The following KHDC1 variants were observed in gnomAD, a reference collection of about 807,000 sequenced individuals.
KHDC1 encodes KH homology domain-containing protein 1.
In KHDC1, 21 loss-of-function variants were observed where a neutral mutation model predicts 24.7. That is an observed-to-expected ratio of 0.85 (90% CI 0.60 to 1.23). KHDC1 has a LOEUF of 1.23. Among genes scored for constraint, KHDC1 ranks in the 50% most tolerant of loss-of-function variants. KHDC1 has a pLI of 0.00. For missense variants in KHDC1, 274 were observed against 298.5 expected (o/e 0.92, Z 0.61); for synonymous variants, 98 against 111.7 (o/e 0.88, Z 0.77).
At chr6:73,242,865 G>A (rs747800171) in intron 2 of KHDC1, among the ~76,000 whole-genome samples, 1 of 152,180 alleles carries the variant, frequency 6.6e-6, no homozygotes, top group Non-Finnish European at 1.5e-5. Context: ...GGATGGAGGT[G>A]CAAGAAGGCT....
At position 73,247,058 on chromosome 6, in the gene KHDC1, C is replaced by T. The variant is rs940973671; in HGVS notation, c.207-4528G>A. Among the ~76,000 whole-genome samples the T allele has an allele frequency of 9.9e-5, 15 of 151,582 alleles. No homozygotes were observed. In the South Asian group the frequency reaches 2.7e-3, roughly 27 times the overall value. On this transcript the variant is annotated intron_variant, in intron 2 of 4. Coordinates refer to ENST00000370384, the Ensembl canonical transcript of KHDC1. ...AATGGCATGATCTCGGCTCACTGTACCCTCTGCCTCCTGGGTTCAAGCAAT... is the reference window on the plus strand; with the variant it reads ...AATGGCATGATCTCGGCTCACTGTATCCTCTGCCTCCTGGGTTCAAGCAAT...
chr6:73,265,945 G>A (rs756329309), intron 2 of KHDC1, among the ~76,000 whole-genome samples: 2 of 151,982 alleles, frequency 1.3e-5, no homozygotes, highest in East Asian at 1.9e-4. Context: ...GGGGGGAGAC[G>A]AGGTCTGGCT....
chr6:73,243,982 T>G (rs772956866), intron 2 of KHDC1, among the ~76,000 whole-genome samples: 1 of 152,156 alleles, frequency 6.6e-6, no homozygotes, highest in Non-Finnish European at 1.5e-5. Context: ...ATTATTCCTA[T>G]TACTGGAATT....
At chr6:73,252,871 C>A (rs1417409961) in intron 2 of KHDC1, among the ~76,000 whole-genome samples, 1 of 151,568 alleles carries the variant, frequency 6.6e-6, no homozygotes, top group African/African-American at 2.4e-5. Context: ...GGGTCAGAGG[C>A]AATACATAAA....
intron 1 of KHDC1, chr6:73,292,315 G>T: frequency 3.0e-6 from 3 of 1,000,316 alleles, no homozygotes; most frequent in Non-Finnish European, 4.8e-6. Context: ...ACTACCTGGC[G>T]GACAAGCATG....
At chr6:73,242,122 C>T in exon 4 of KHDC1, 1 of 1,614,128 alleles carries the variant, frequency 6.2e-7, no homozygotes, top group Admixed American at 1.7e-5. Context: ...ACTGCCTTGC[C>T]CTGTGTGGTC....
chr6:73,241,846 G>A (rs1766575489), intron 4 of KHDC1, 118 bp from the exon 4 acceptor site: 6 of 1,198,444 alleles, frequency 5.0e-6, no homozygotes, highest in Non-Finnish European at 7.0e-6. Context: ...GACCTTCCAA[G>A]GTAGCCCATT....
At chr6:73,246,922 T>C (rs1766678010) in intron 2 of KHDC1, among the ~76,000 whole-genome samples, 1 of 151,952 alleles carries the variant, frequency 6.6e-6, no homozygotes, top group African/African-American at 2.4e-5. Context: ...CCTAATAGTT[T>C]GATTATTTTG....
chr6:73,267,048 T>G (rs1029035945), intron 2 of KHDC1, among the ~76,000 whole-genome samples: 2 of 152,050 alleles, frequency 1.3e-5, no homozygotes, highest in Admixed American at 1.3e-4. Context: ...GCAAAGGACT[T>G]AAATAGACAT....
At position 73,273,946 on chromosome 6, in the gene KHDC1, C is replaced by T. The variant is rs556742696; in HGVS notation, c.206+18052G>A. Among the ~76,000 whole-genome samples the T allele has an allele frequency of 3.0e-4, 46 of 152,154 alleles. 2 individuals carry two copies. In the South Asian group the frequency reaches 9.1e-3, roughly 30 times the overall value. On this transcript the variant is annotated intron_variant, in intron 2 of 4. Transcript: ENST00000370384. The stretch of plus-strand genomic sequence containing the variant: ...CAGCCTGAGCAACCTAATGAAACTG[C>T]ATCTCCATAAAAAATAAAAAGTTAA...
At chr6:73,274,399 T>C (rs1767240421) in intron 2 of KHDC1, 1 of 152,232 alleles carries the variant, frequency 6.6e-6, no homozygotes, top group Non-Finnish European at 1.5e-5. Flanking sequence ...GTATGAACTC[T>C]ACCTAATGTT....
intron 2 of KHDC1, among the ~76,000 whole-genome samples, chr6:73,288,222 G>A (rs965677861): frequency 6.6e-6 from 1 of 152,216 alleles, no homozygotes; most frequent in African/African-American, 2.4e-5. Flanking sequence ...GCCAGGTGTG[G>A]TGTTTTTATT....
intron 2 of KHDC1, among the ~76,000 whole-genome samples, chr6:73,288,087 T>A (rs12526366): frequency 0.012 from 1,853 of 152,280 alleles, 23 homozygotes; most frequent in Non-Finnish European, 0.019. Flanking sequence ...AAGGATAGAG[T>A]TAGTCATCAT....
intron 2 of KHDC1, among the ~76,000 whole-genome samples, chr6:73,248,172 G>C (rs1766704307): frequency 6.6e-6 from 1 of 152,216 alleles, no homozygotes; most frequent in Non-Finnish European, 1.5e-5. Context: ...GGTTTTGCTA[G>C]TGGGAGACAG....
intron 2 of KHDC1, among the ~76,000 whole-genome samples, chr6:73,252,478 A>G (rs1766798885): frequency 6.6e-6 from 1 of 152,162 alleles, no homozygotes; most frequent in Non-Finnish European, 1.5e-5. Context: ...CGGACAGTAA[A>G]TATTTTATAC....
At chr6:73,256,040 T>C (rs937144770) in intron 2 of KHDC1, among the ~76,000 whole-genome samples, 1 of 152,130 alleles carries the variant, frequency 6.6e-6, no homozygotes, top group Admixed American at 6.5e-5. Flanking sequence ...AATCATGAGA[T>C]TCTTCCCTAG....
intron 1 of KHDC1, among the ~76,000 whole-genome samples, chr6:73,294,330 A>G (rs1280634542): frequency 2.0e-5 from 3 of 152,164 alleles, no homozygotes; most frequent in Non-Finnish European, 2.9e-5. Context: ...CACAGCACCT[A>G]GAACAGCATC....
intron 2 of KHDC1, among the ~76,000 whole-genome samples, chr6:73,254,418 G>A (rs1024068920): frequency 6.6e-6 from 1 of 151,456 alleles, no homozygotes; most frequent in Non-Finnish European, 1.5e-5. Flanking sequence ...CTGAGACTGG[G>A]CCACTGCACT....
Position 73,242,107 on chromosome 6 carries a change from CA to C in KHDC1, c.461del (p.Leu154ArgfsTer31). 6.2e-7 allele frequency: 1 copy of C among 1,614,134 alleles called. No homozygotes were observed. Among genetic ancestry groups the C allele is most frequent in the Non-Finnish European group, 8.5e-7 (1 of 1,179,986 alleles). On this transcript the variant is annotated frameshift_variant, in exon 4 of 5. Coordinates refer to ENST00000370384, the Ensembl canonical transcript of KHDC1. LOFTEE classifies it high-confidence loss of function. ...TCCCCACACAACAAAACATGTGCAGCAGCCACTGCCTTGCCCTGTGTGGTCC... is the reference window on the plus strand; with the variant it reads ...TCCCCACACAACAAAACATGTGCAGCGCCACTGCCTTGCCCTGTGTGGTCC...
Sources: gnomAD v4.1 joint callset for allele counts (sites outside exome capture counted in the v4.1 genomes callset) on GRCh38, gnomAD v4.1.1 for gene constraint, MANE v1.5 for transcripts, NCBI Gene and HGNC (gene_info 2026-07-23, HGNC 2026-07-21) for gene names.